DTX3L: variants seen among roughly 807,000 people sequenced by gnomAD.
DTX3L encodes the protein deltex E3 ubiquitin ligase 3L, also known as E3 ubiquitin-protein ligase DTX3L.
In DTX3L, 34 loss-of-function variants were observed where a neutral mutation model predicts 60.9. The observed-to-expected ratio is 0.56, with a 90% CI of 0.42 to 0.74. The LOEUF is 0.74. Ranked by LOEUF, DTX3L falls within the 30% of genes least tolerant of loss-of-function variation. The probability of loss-of-function intolerance (pLI) is 0.00; values close to 1 mark genes in which losing one functional copy is unlikely to be tolerated. For missense variants in DTX3L, 810 were observed against 874.0 expected (o/e 0.93, Z 0.92); for synonymous variants, 290 against 316.6 (o/e 0.92, Z 0.89).
At position 122,569,101 on chromosome 3, in the gene DTX3L, G is replaced by T; in HGVS notation, c.1012G>T (p.Gly338Ter). 1.2e-6 allele frequency: 2 copies of T among 1,614,156 alleles called. No individual in the cohort carries two copies. The highest frequency in any genetic ancestry group is 1.7e-6 in the Non-Finnish European group (2 of 1,180,036). The change falls in exon 3 of 5, where the codon GGA becomes TGA. Residue 338 changes from glycine to a stop codon, truncating the protein, a stop_gained. Transcript: ENST00000296161. LOFTEE classifies it high-confidence loss of function. ...QFTKLLIKEKGGELTLLGTQD... is the reference protein window; with the variant it reads ...QFTKLLIKEK The stretch of plus-strand genomic sequence containing the variant: ...TACAAAGCTCCTTATAAAGGAGAAA[G>T]GAGGCGAATTAACTCTCCTTGGGAC...
At chr3:122,567,744 G>A (rs2080601414) in intron 2 of DTX3L, among the ~76,000 whole-genome samples, 1 of 152,122 alleles carries the variant, frequency 6.6e-6, no homozygotes, top group Admixed American at 6.5e-5. Context: ...CTTTTGTGAG[G>A]GCCACAACAA....
At chr3:122,566,116 A>G in intron 2 of DTX3L, 46 bp downstream of exon 2, 1 of 1,538,962 alleles carries the variant, frequency 6.5e-7, no homozygotes, top group Non-Finnish European at 9.0e-7. Flanking sequence ...CCTCCTCTCC[A>G]GTCACCAGCC....
At position 122,572,850 on chromosome 3, in the gene DTX3L, AT is replaced by A. The variant is rs2080655096; in HGVS notation, c.*1105del. On this transcript the variant is annotated 3_prime_UTR_variant, in exon 5 of 5. Transcript: ENST00000296161. The stretch of plus-strand genomic sequence containing the variant: ...TGCCTTGGCCTCCCAAAGTGCTGGA[AT>A]TACAGGCATGAGCCACCACACCCAC... 1 of 151,994 alleles carries A rather than the reference AT, an allele frequency of 6.6e-6. No individual in the cohort carries two copies. The highest frequency in any genetic ancestry group is 2.4e-5 in the African/African-American group (1 of 41,294). The allele number at this position is 151,994 out of a possible 1,614,324, so 9.4% of individuals were successfully genotyped here. A position where few individuals can be genotyped will look rare whatever the true frequency, so the allele number is the denominator to read the frequency against.
rs1271904633 is a variant in DTX3L at position 122,572,892 on chromosome 3, T to G, written c.*1145T>G. On this transcript the variant is annotated 3_prime_UTR_variant, in exon 5 of 5. Transcript: ENST00000296161. ...CCACACCCACACAAGACTATCATTT[T>G]TAATGACCAAGAGCCTAGTATATAG... 1 of 152,202 alleles carries G rather than the reference T, an allele frequency of 6.6e-6. No homozygotes were observed. Among genetic ancestry groups the G allele is most frequent in the Non-Finnish European group, 1.5e-5 (1 of 68,034 alleles). 9.4% of individuals were successfully genotyped at this position (152,202 alleles called of 1,614,324 possible). A position where few individuals can be genotyped will look rare whatever the true frequency, so the allele number is the denominator to read the frequency against.
chr3:122,570,233 G>A, intron 3 of DTX3L: 2 of 733,824 alleles, frequency 2.7e-6, no homozygotes, highest in African/African-American at 1.8e-5. Context: ...GAGAAAGGGT[G>A]GGTGGAGATT....
chr3:122,574,419 A>G lies in DTX3L; in HGVS notation c.*2672A>G, dbSNP rs929852845. On this transcript the variant is annotated 3_prime_UTR_variant, in exon 5 of 5. Coordinates refer to ENST00000296161, the MANE Select transcript of DTX3L (RefSeq NM_138287.3). ...CAAATTATGTGATTATCCATGTCCC[A>G]GCCTCTCTCCAAAAAAATAGTAAAC... is the stretch of plus-strand genomic sequence containing the variant. 2.6e-5 allele frequency: 4 copies of G among 152,226 alleles called. No individual in the cohort carries two copies. The highest frequency in any genetic ancestry group is 4.4e-5 in the Non-Finnish European group (3 of 68,042). The allele number at this position is 152,226 out of a possible 1,614,324, so 9.4% of individuals were successfully genotyped here. A position where few individuals can be genotyped will look rare whatever the true frequency, so the allele number is the denominator to read the frequency against.
At chr3:122,570,247 T>C in intron 3 of DTX3L, 1 of 727,264 alleles carries the variant, frequency 1.4e-6, no homozygotes, top group Non-Finnish European at 2.2e-6. Flanking sequence ...GGAGATTATA[T>C]CTTGAGATGG....
Position 122,571,883 on chromosome 3 carries a change from A to G in DTX3L, c.*136A>G, listed in dbSNP as rs1007511325. ...CTCAAGAAATGGTTTGTATAAGAAT[A>G]ACAATCTGCTAGTCTGTCATTTCTG... On this transcript the variant is annotated 3_prime_UTR_variant, in exon 5 of 5. Coordinates refer to ENST00000296161, the MANE Select transcript of DTX3L (RefSeq NM_138287.3). 20 of 679,926 alleles carry G rather than the reference A, an allele frequency of 2.9e-5. No homozygotes were observed. The African/African-American group carries it at 3.6e-4, about 12-fold the overall frequency. 42.1% of individuals were successfully genotyped at this position (679,926 alleles called of 1,614,324 possible).
intron 2 of DTX3L, among the ~76,000 whole-genome samples, chr3:122,568,148 A>G (rs934185563): frequency 6.6e-6 from 1 of 152,148 alleles, no homozygotes; most frequent in African/African-American, 2.4e-5. Context: ...CGTCTCTACT[A>G]AAGATACAAA....
Position 122,574,079 on chromosome 3 carries a change from C to CCTCCT in DTX3L, c.*2333_*2337dup, listed in dbSNP as rs1463834606. 1.3e-5 allele frequency: 2 copies of CCTCCT among 151,750 alleles called. No individual in the cohort carries two copies. The highest frequency in any genetic ancestry group is 2.9e-5 in the Non-Finnish European group (2 of 68,034). The allele number at this position is 151,750 out of a possible 1,614,324, so 9.4% of individuals were successfully genotyped here. A position where few individuals can be genotyped will look rare whatever the true frequency, so the allele number is the denominator to read the frequency against. On this transcript the variant is annotated 3_prime_UTR_variant, in exon 5 of 5. Transcript: ENST00000296161. ...TCTTGAACTCCTGGACTCAAGGGAT[C>CCTCCT]CTCCTGTCTTGGGCTCCCAAAGTGT...
intron 4 of DTX3L, among the ~76,000 whole-genome samples, chr3:122,570,901 G>A (rs372465632): frequency 6.6e-6 from 1 of 152,096 alleles, no homozygotes; most frequent in East Asian, 1.9e-4. Context: ...CAAAGGACAG[G>A]GGGCTTTTGA....
chr3:122,570,572 C>T lies in DTX3L; in HGVS notation c.2053C>T (p.Leu685=), dbSNP rs762935073. 6.2e-7 allele frequency: 1 copy of T among 1,614,136 alleles called. No individual in the cohort carries two copies. Among genetic ancestry groups the T allele is most frequent in the Admixed American group, 1.7e-5 (1 of 60,022 alleles). ...GCTTTATAGGGCCTTTGACCAAAAG[C>T]TGATTTTTACAGTGGGGTACTCTCG... ...KLLYRAFDQK[L]IFTVGYSRVL... is the part of the protein sequence containing the mutation. The change falls in exon 4 of 5, where the codon CTG becomes TTG. Residue 685 remains leucine, a synonymous_variant. Transcript: ENST00000296161.
At chr3:122,571,608 A>T in intron 4 of DTX3L, 70 bp from the exon 5 acceptor site, 1 of 1,190,968 alleles carries the variant, frequency 8.4e-7, no homozygotes, top group Non-Finnish European at 1.2e-6. Flanking sequence ...TTAAATCCTT[A>T]AATGCTGGAT....
Position 122,569,659 on chromosome 3 carries a change from C to T in DTX3L, c.1570C>T (p.His524Tyr), listed in dbSNP as rs147920805. ...SLAGKKLKEGHETPMDIDSDD... is the reference protein window; with the variant it reads ...SLAGKKLKEGYETPMDIDSDD... ...GGCTGGAAAGAAATTGAAAGAGGGT[C>T]ATGAAACACCGATGGACATTGATAG... is the stretch of plus-strand genomic sequence containing the variant. Residue 524 changes from histidine (H) to tyrosine (Y), a missense_variant, in exon 3 of 5, where the codon CAT becomes TAT. His to Tyr is a moderately conservative substitution (Grantham distance 83, BLOSUM62 2). Coordinates refer to ENST00000296161, the MANE Select transcript of DTX3L (RefSeq NM_138287.3). The T allele has an allele frequency of 1.8e-4, 296 of 1,614,158 alleles. No individual in the cohort carries two copies. The highest frequency in any genetic ancestry group is 3.3e-4 in the Middle Eastern group (2 of 6,062).
In DTX3L at chr3:122,569,874, C is replaced by T. The variant is rs534096335; in HGVS notation, c.1785C>T (p.Ile595=). ...CINKAMSYKP[I]CPTCQTSYGI... is the part of the protein sequence containing the mutation. ...ACAAAGCCATGTCATATAAGCCAAT[C>T]TGTCCCACATGCCAGACTTCCTATG... Residue 595 remains isoleucine (I), a synonymous_variant, in exon 3 of 5, where the codon ATC becomes ATT. Coordinates refer to ENST00000296161, the MANE Select transcript of DTX3L (RefSeq NM_138287.3). The T allele has an allele frequency of 2.5e-6, 4 of 1,614,162 alleles. No homozygotes were observed. The Admixed American group carries it at 5.0e-5, about 20-fold the overall frequency.
At chr3:122,565,832 T>C (rs766248020) in intron 1 of DTX3L, 27 bp from the exon 2 acceptor site, 26 of 1,601,474 alleles carry the variant, frequency 1.6e-5, no homozygotes, top group Non-Finnish European at 2.1e-5. Context: ...TGTGTGTATA[T>C]GTGTGTGTTT....
chr3:122,567,683 A>G (rs1295025141), intron 2 of DTX3L, among the ~76,000 whole-genome samples: 2 of 152,194 alleles, frequency 1.3e-5, no homozygotes, highest in Non-Finnish European at 2.9e-5. Flanking sequence ...AAAAATAGTA[A>G]TAGGAAAAGC....
In DTX3L at chr3:122,564,416, C is replaced by A; in HGVS notation, c.-11C>A. The A allele has an allele frequency of 1.2e-6, 2 of 1,602,818 alleles. No homozygotes were observed. The highest frequency in any genetic ancestry group is 1.7e-6 in the Non-Finnish European group (2 of 1,175,238). ...TCCCGGAGCCCCCGCGCCCTCCCGA[C>A]GCGCAGAGCCATGGCCTCCCACCTG... On this transcript the variant is annotated 5_prime_UTR_variant, in exon 1 of 5. Transcript: ENST00000296161.
rs1021449023 is a variant in DTX3L, at chr3:122,569,378, CTG to C, written c.1292_1293del (p.Val431AlafsTer41). On this transcript the variant is annotated frameshift_variant, in exon 3 of 5. Transcript: ENST00000296161. LOFTEE classifies it high-confidence loss of function. ...TCCAAGGACAGGCAGGTAGATCTAT[CTG>C]TGCATGCTTATGCAAGTTTCATCGA... The C allele has an allele frequency of 1.2e-6, 2 of 1,614,018 alleles. No homozygotes were observed. Among genetic ancestry groups the C allele is most frequent in the African/African-American group, 2.7e-5 (2 of 74,920 alleles).
Sources: gnomAD v4.1 joint callset for allele counts (sites outside exome capture counted in the v4.1 genomes callset) on GRCh38, gnomAD v4.1.1 for gene constraint, MANE v1.5 for transcripts, NCBI Gene and HGNC (gene_info 2026-07-23, HGNC 2026-07-21) for gene names.